TMEM131: variants seen among roughly 807,000 people sequenced by gnomAD.
TMEM131 encodes 2610524E03Rik.
In TMEM131, 66 loss-of-function variants were observed where a neutral mutation model predicts 211.6. That is an observed-to-expected ratio of 0.31 (90% confidence interval 0.26 to 0.38). The LOEUF (loss-of-function observed/expected upper bound fraction) is 0.38, where lower values mean the gene tolerates loss of function less well. TMEM131 is among the 10% of genes least tolerant of loss of function. The pLI, the probability that TMEM131 is intolerant of heterozygous loss-of-function variation, is 1.00. For synonymous variants in TMEM131, 844 were observed against 841.3 expected (o/e 1.00, Z -0.06); for missense variants, 2,036 against 2,299.3 (o/e 0.89, Z 2.34).
At chr2:97,901,043 C>T (rs1338241717) in intron 3 of TMEM131, among the ~76,000 whole-genome samples, 1 of 152,112 alleles carries the variant, frequency 6.6e-6, no homozygotes. Context: ...TACAGCTACA[C>T]TTATCTTTTG....
At chr2:97,969,410 C>T (rs751415297) in intron 1 of TMEM131, among the ~76,000 whole-genome samples, 1 of 152,150 alleles carries the variant, frequency 6.6e-6, no homozygotes, top group Non-Finnish European at 1.5e-5. Context: ...CTGACAACTC[C>T]CCTCCATTAG....
chr2:97,849,785 T>C (rs906867874), intron 5 of TMEM131, among the ~76,000 whole-genome samples: 5 of 148,704 alleles, frequency 3.4e-5, no homozygotes, highest in Middle Eastern at 3.5e-3. Context: ...CACTCAAGCA[T>C]ATTTTAGCCT....
At chr2:97,911,510 C>T in intron 2 of TMEM131, 1 of 354,182 alleles carries the variant, frequency 2.8e-6, no homozygotes, top group Non-Finnish European at 3.9e-6. Flanking sequence ...CACATGAAGT[C>T]TACAGAAAAG....
intron 40 of TMEM131, 111 bp from the exon 41 acceptor site, chr2:97,757,494 T>G (rs1337214179): frequency 8.1e-6 from 10 of 1,231,134 alleles, no homozygotes; most frequent in South Asian, 1.5e-5. Flanking sequence ...TCCTCTTACT[T>G]TGTTTACTTT....
At chr2:97,929,154 C>T (rs1677111747) in intron 1 of TMEM131, among the ~76,000 whole-genome samples, 1 of 151,444 alleles carries the variant, frequency 6.6e-6, no homozygotes, top group South Asian at 2.1e-4. Context: ...ATGGAGCATC[C>T]TATAGTGCCG....
At chr2:97,951,658 A>G (rs1678320213) in intron 1 of TMEM131, among the ~76,000 whole-genome samples, 1 of 152,084 alleles carries the variant, frequency 6.6e-6, no homozygotes. Flanking sequence ...GGCAATTTCA[A>G]GTTGTACTCC....
intron 33 of TMEM131, among the ~76,000 whole-genome samples, chr2:97,767,536 C>A (rs1679229905): frequency 6.6e-6 from 1 of 152,128 alleles, no homozygotes; most frequent in Non-Finnish European, 1.5e-5. Context: ...GGACCTTTTC[C>A]AGCAAAGGCT....
At chr2:97,760,733 G>C (rs997727086) in intron 37 of TMEM131, 44 bp from the exon 38 acceptor site, 2 of 1,614,018 alleles carry the variant, frequency 1.2e-6, no homozygotes, top group Non-Finnish European at 1.7e-6. Flanking sequence ...CATTAGGACA[G>C]AGGTCATTCC....
Position 97,762,019 on chromosome 2 carries a change from G to C in TMEM131, c.4889+16C>G. ...ACATTTCAAGCTGAGAACCGGAAAG[G>C]AAGCAGCAGGCCTACCTGCTGGAGC... On this transcript the variant is annotated intron_variant, in intron 36 of 40. Transcript: ENST00000186436. 1 of 1,539,590 alleles carries C rather than the reference G, an allele frequency of 6.5e-7. No homozygotes were observed. The highest frequency in any genetic ancestry group is 8.7e-7 in the Non-Finnish European group (1 of 1,149,798).
chr2:97,818,843 T>A, intron 11 of TMEM131, 122 bp from the exon 12 acceptor site: 1 of 622,524 alleles, frequency 1.6e-6, no homozygotes, highest in Admixed American at 2.9e-5. Flanking sequence ...AAAGTTTAAC[T>A]TATGTTGTCC....
intron 3 of TMEM131, among the ~76,000 whole-genome samples, chr2:97,902,299 C>T (rs978351842): frequency 2.6e-5 from 4 of 152,066 alleles, no homozygotes; most frequent in Admixed American, 1.3e-4. Flanking sequence ...CTCTAAACAC[C>T]GTACTCTTTT....
intron 4 of TMEM131, among the ~76,000 whole-genome samples, chr2:97,865,345 C>A (rs570807720): frequency 6.6e-6 from 1 of 152,332 alleles, no homozygotes; most frequent in Non-Finnish European, 1.5e-5. Context: ...AGGAATAGAT[C>A]TCCTTGTGTT....
At chr2:97,782,124 C>T (rs1399853127) in intron 31 of TMEM131, among the ~76,000 whole-genome samples, 1 of 152,250 alleles carries the variant, frequency 6.6e-6, no homozygotes, top group Non-Finnish European at 1.5e-5. Context: ...AGCCAACTCT[C>T]CCCTCCCTTT....
intron 2 of TMEM131, chr2:97,911,690 A>G: frequency 1.0e-6 from 1 of 980,450 alleles, no homozygotes; most frequent in Non-Finnish European, 1.2e-6. Context: ...ATAAAGTTAG[A>G]AAATCAGAAA....
intron 1 of TMEM131, among the ~76,000 whole-genome samples, chr2:97,970,598 T>C (rs931000690): frequency 2.0e-5 from 3 of 152,192 alleles, no homozygotes; most frequent in East Asian, 3.9e-4. Context: ...TGCAAAGCCT[T>C]GACCTCATCT....
intron 1 of TMEM131, among the ~76,000 whole-genome samples, chr2:97,962,465 C>G (rs1678862942): frequency 6.6e-6 from 1 of 152,146 alleles, no homozygotes; most frequent in South Asian, 2.1e-4. Flanking sequence ...GATAGCGCCA[C>G]TGCACTCCAG....
intron 1 of TMEM131, among the ~76,000 whole-genome samples, chr2:97,967,131 A>C (rs893407187): frequency 6.6e-6 from 1 of 152,208 alleles, no homozygotes; most frequent in African/African-American, 2.4e-5. Flanking sequence ...GGAGTTACTC[A>C]GATCCAGACC....
intron 31 of TMEM131, among the ~76,000 whole-genome samples, chr2:97,780,771 G>C (rs1044303549): frequency 6.6e-6 from 1 of 152,108 alleles, no homozygotes; most frequent in Non-Finnish European, 1.5e-5. Flanking sequence ...AGCTGTACGG[G>C]AACCACAACT....
chr2:97,840,340 T>C (rs1683137441), intron 7 of TMEM131, among the ~76,000 whole-genome samples: 2 of 152,352 alleles, frequency 1.3e-5, no homozygotes, highest in South Asian at 2.1e-4. Flanking sequence ...TCCATCCTTG[T>C]GGTCTGGCCA....
Sources: gnomAD v4.1 joint callset for allele counts (sites outside exome capture counted in the v4.1 genomes callset) on GRCh38, gnomAD v4.1.1 for gene constraint, MANE v1.5 for transcripts, NCBI Gene and HGNC (gene_info 2026-07-23, HGNC 2026-07-21) for gene names.